MAF: variants seen among roughly 807,000 people sequenced by gnomAD.
The protein encoded by MAF is transcription factor Maf.
MAF carries 10 observed loss-of-function variants against 22.0 expected under a neutral mutation model. That is an observed-to-expected ratio of 0.45 (90% CI 0.28 to 0.77). The LOEUF (loss-of-function observed/expected upper bound fraction) is 0.77. Ranked by LOEUF, MAF falls within the 30% of genes least tolerant of loss-of-function variation. The pLI is 0.12. For missense variants in MAF, 544 were observed against 548.4 expected (o/e 0.99, Z 0.08); for synonymous variants, 337 against 255.8 (o/e 1.32, Z -3.03).
the MAF span, among the ~76,000 whole-genome samples, chr16:79,210,056 T>G: frequency 6.6e-6 from 1 of 152,172 alleles, no homozygotes; most frequent in Non-Finnish European, 1.5e-5. Flanking sequence ...TTATTCAAAT[T>G]CAGGACCAGT....
chr16:79,415,217 G>T, the MAF span, among the ~76,000 whole-genome samples: 1 of 151,764 alleles, frequency 6.6e-6, no homozygotes, highest in Non-Finnish European at 1.5e-5. Context: ...TTAGCAAAGT[G>T]CTGGGCACAG....
At chr16:79,573,882 T>G in the MAF span, among the ~76,000 whole-genome samples, 2 of 152,234 alleles carry the variant, frequency 1.3e-5, no homozygotes, top group Non-Finnish European at 2.9e-5. Context: ...ACTTCTAATT[T>G]TGACAGATTG....
chr16:79,421,018 G>C, the MAF span, among the ~76,000 whole-genome samples: 19 of 150,892 alleles, frequency 1.3e-4, no homozygotes, highest in Non-Finnish European at 2.4e-4. Context: ...TGGTGACAGA[G>C]CGAGACTCTG....
At chr16:79,337,846 A>G in the MAF span, among the ~76,000 whole-genome samples, 3 of 152,202 alleles carry the variant, frequency 2.0e-5, no homozygotes, top group Admixed American at 2.0e-4. Flanking sequence ...GCCACACTGT[A>G]AGTTCCAAGT....
chr16:79,495,845 C>T, the MAF span, among the ~76,000 whole-genome samples: 2 of 152,194 alleles, frequency 1.3e-5, no homozygotes, highest in African/African-American at 4.8e-5. Context: ...GTCAAGCTTA[C>T]TTCTGGGCAC....
chr16:79,587,428 C>CT (rs80290636), intron 1 of MAF, among the ~76,000 whole-genome samples: 34,534 of 151,042 alleles, frequency 0.23, 4,131 homozygotes, highest in East Asian at 0.46. Flanking sequence ...GATAGGATTA[C>CT]TTTTTTTTTA....
the MAF span, among the ~76,000 whole-genome samples, chr16:79,328,408 G>A: frequency 6.6e-6 from 1 of 152,250 alleles, no homozygotes; most frequent in South Asian, 2.1e-4. Context: ...AGGGAAACAG[G>A]GGCAAAAGGA....
the MAF span, among the ~76,000 whole-genome samples, chr16:79,453,389 A>G: frequency 2.9e-3 from 438 of 152,318 alleles, 1 homozygote; most frequent in African/African-American, 9.2e-3. Context: ...CAACCAGGAT[A>G]CTTTCTCACC....
intron 1 of MAF, among the ~76,000 whole-genome samples, chr16:79,586,895 A>G (rs1237341477): frequency 2.0e-5 from 3 of 152,238 alleles, no homozygotes; most frequent in African/African-American, 7.2e-5. Context: ...TAGTAAGTCA[A>G]TCTAATTCTT....
chr16:79,484,861 G>A, the MAF span, among the ~76,000 whole-genome samples: 1 of 152,170 alleles, frequency 6.6e-6, no homozygotes, highest in Non-Finnish European at 1.5e-5. Flanking sequence ...CCAGAGAAAG[G>A]ACCTGAAGGT....
At chr16:79,531,490 C>G in the MAF span, among the ~76,000 whole-genome samples, 1 of 152,030 alleles carries the variant, frequency 6.6e-6, no homozygotes, top group Non-Finnish European at 1.5e-5. Flanking sequence ...AATTATACAA[C>G]TCACCATAAT....
chr16:79,432,039 C>A, the MAF span, among the ~76,000 whole-genome samples: 5 of 152,150 alleles, frequency 3.3e-5, no homozygotes, highest in Non-Finnish European at 5.9e-5. Context: ...TGTGTCCTCA[C>A]CAGAAATCTC....
At chr16:79,228,830 T>C in the MAF span, among the ~76,000 whole-genome samples, 1 of 151,124 alleles carries the variant, frequency 6.6e-6, no homozygotes, top group African/African-American at 2.4e-5. Flanking sequence ...CCACCAAGGG[T>C]GCAGGTTTAA....
chr16:79,388,915 A>G, the MAF span, among the ~76,000 whole-genome samples: 27 of 152,316 alleles, frequency 1.8e-4, no homozygotes, highest in South Asian at 3.7e-3. Flanking sequence ...CTTGCAGTTT[A>G]TGCCTTTTCC....
chr16:79,388,574 C>G, the MAF span, among the ~76,000 whole-genome samples: 2 of 152,148 alleles, frequency 1.3e-5, no homozygotes, highest in South Asian at 4.1e-4. Context: ...AAAAGCAGTG[C>G]TCTCTCTCTA....
the MAF span, among the ~76,000 whole-genome samples, chr16:79,571,530 A>ATTTTTTTTTTTTTTTTTT: frequency 9.6e-6 from 1 of 103,878 alleles, no homozygotes; most frequent in African/African-American, 3.7e-5. Flanking sequence ...TCTCAGCGGA[A>ATTTTTTTTTTTTTTTTTT]TTTTTTTTTT....
At chr16:79,536,639 C>T in the MAF span, among the ~76,000 whole-genome samples, 1 of 152,018 alleles carries the variant, frequency 6.6e-6, no homozygotes, top group South Asian at 2.1e-4. Context: ...TAGACTCCGT[C>T]TTGAAAAAAT....
At chr16:79,498,039 C>G in the MAF span, among the ~76,000 whole-genome samples, 1 of 152,198 alleles carries the variant, frequency 6.6e-6, no homozygotes, top group Non-Finnish European at 1.5e-5. Context: ...TAGGACTTTC[C>G]ATTCCCTCCT....
chr16:79,506,340 T>C, the MAF span, among the ~76,000 whole-genome samples: 2 of 152,102 alleles, frequency 1.3e-5, no homozygotes, highest in Non-Finnish European at 2.9e-5. Context: ...TTGCCCATGA[T>C]TTTTTTATTT....
Sources: gnomAD v4.1 joint callset for allele counts (sites outside exome capture counted in the v4.1 genomes callset) on GRCh38, gnomAD v4.1.1 for gene constraint, MANE v1.5 for transcripts, NCBI Gene and HGNC (gene_info 2026-07-23, HGNC 2026-07-21) for gene names.